The following FTSJ3 variants were observed in gnomAD, a reference collection of about 807,000 sequenced individuals.
FTSJ3 encodes pre-rRNA 2'-O-ribose RNA methyltransferase FTSJ3.
FTSJ3 carries 46 observed loss-of-function variants against 111.5 expected under a neutral mutation model. The observed-to-expected ratio is 0.41, with a 90% confidence interval of 0.33 to 0.53. The LOEUF is 0.53. Ranked by LOEUF, FTSJ3 falls within the 20% of genes least tolerant of loss-of-function variation. The pLI, the probability that FTSJ3 is intolerant of heterozygous loss-of-function variation, is 0.19. For synonymous variants in FTSJ3, 408 were observed against 383.0 expected, an observed-to-expected ratio of 1.07 and a Z score of -0.76; for missense variants, 1,075 against 1,063.8, an observed-to-expected ratio of 1.01 and a Z score of -0.15.
rs145334305 is a variant in FTSJ3, at chr17:63,821,102, G to A, written c.1900C>T (p.Arg634Cys). Residue 634 changes from arginine (R) to cysteine (C), a missense_variant, in exon 17 of 21, where the codon CGT becomes TGT. Arg to Cys is a radical substitution (Grantham distance 180). This residue lies in a region of FTSJ3 where 867 missense variants were observed against 796.9 expected (regional missense o/e 1.09). Transcript: ENST00000427159. ...SEEEESWEPLRGKKRSRGPKS... is the reference protein window; with the variant it reads ...SEEEESWEPLCGKKRSRGPKS... ...GGCCCACGGCTTCGCTTCTTACCAC[G>A]GAGGGGTTCCCAGCTGTGAAGAGGG... The A allele has an allele frequency of 5.6e-6, 9 of 1,614,072 alleles. No homozygotes were observed. The African/African-American group carries it at 6.7e-5, about 12-fold the overall frequency.
chr17:63,823,607 AAT>A, intron 13 of FTSJ3: 13 of 546,894 alleles, frequency 2.4e-5, no homozygotes, highest in Admixed American at 2.0e-4. Flanking sequence ...AAAAAAAAAA[AAT>A]AAATCTATCA....
Position 63,826,322 on chromosome 17 carries a change from A to G in FTSJ3, c.174-18T>C. ...CCTGCAGCCTATAAAAGGAACAGAA[A>G]TTTAAAAACCTAGAGCCATCCTTTT... On this transcript the variant is annotated intron_variant, in intron 3 of 20. Transcript: ENST00000427159. 1.9e-6 allele frequency: 3 copies of G among 1,613,618 alleles called. 1 individual carries two copies. In the South Asian group the frequency reaches 3.3e-5, roughly 18 times the overall value.
chr17:63,819,993 G>A lies in FTSJ3; in HGVS notation c.2353C>T (p.Leu785Phe). The A allele has an allele frequency of 5.0e-6, 8 of 1,614,048 alleles. No individual in the cohort carries two copies. The highest frequency in any genetic ancestry group is 6.8e-6 in the Non-Finnish European group (8 of 1,179,952). Residue 785 changes from leucine to phenylalanine, a missense_variant and splice_region_variant, in exon 21 of 21, where the codon CTC (leucine) becomes TTC (phenylalanine). Leu to Phe is a conservative substitution (Grantham distance 22). Transcript: ENST00000427159. ...EREKVAQLRSLYKKAGLGKEK... is the reference protein window; with the variant it reads ...EREKVAQLRSFYKKAGLGKEK... ...TTGCCAAGCCCAGCCTTCTTGTAGA[G>A]ACTACAGGGGGGAAGAGAAGAGGTT...
intron 13 of FTSJ3, among the ~76,000 whole-genome samples, chr17:63,822,956 C>T (rs930048421): frequency 6.6e-6 from 1 of 152,190 alleles, no homozygotes; most frequent in Non-Finnish European, 1.5e-5. Context: ...TCAGTCACTT[C>T]ACAAAGCTCC....
chr17:63,825,371 T>G lies in FTSJ3; in HGVS notation c.466A>C (p.Thr156Pro), dbSNP rs768932835. The change falls in exon 7 of 21, where the codon ACA (threonine) becomes CCA (proline). Residue 156 changes from threonine (T) to proline (P), a missense_variant. Physicochemically the swap from Thr to Pro is conservative, Grantham distance 38. Around this residue, in one of 2 missense-constraint regions of FTSJ3, gnomAD observed 208 missense variants for 266.9 expected, o/e 0.78. Coordinates refer to ENST00000427159, the MANE Select transcript of FTSJ3 (RefSeq NM_017647.4). ...DFLARGGSFI[T>P]KVFRSRDYQP... ...TAGTCACGAGAACGGAAAACCTTTGTGATGAAGCTGCCACCACGGGCCAAA... is the reference window on the plus strand; with the variant it reads ...TAGTCACGAGAACGGAAAACCTTTGGGATGAAGCTGCCACCACGGGCCAAA... 4 of 1,614,044 alleles carry G rather than the reference T, an allele frequency of 2.5e-6. No homozygotes were observed. Among genetic ancestry groups the G allele is most frequent in the African/African-American group, 1.3e-5 (1 of 74,900 alleles).
Position 63,819,812 on chromosome 17 carries a change from TTG to T in FTSJ3, c.2532_2533del (p.His844GlnfsTer17), listed in dbSNP as rs771371440. ...GCCTGGCAGCTCTGCTTACTTCCGT[TTG>T]TGTTTTTTCTTTTGTTCCTTACGTT... On this transcript the variant is annotated frameshift_variant, in exon 21 of 21. Coordinates refer to ENST00000427159, the MANE Select transcript of FTSJ3 (RefSeq NM_017647.4). LOFTEE classifies it high-confidence loss of function. The T allele has an allele frequency of 1.2e-6, 2 of 1,612,168 alleles. No homozygotes were observed. The highest frequency in any genetic ancestry group is 1.3e-5 in the African/African-American group (1 of 74,912).
At chr17:63,825,480 A>T in intron 6 of FTSJ3, 44 bp from the exon 7 acceptor site, 2 of 1,605,888 alleles carry the variant, frequency 1.2e-6, no homozygotes, top group Non-Finnish European at 1.7e-6. Context: ...GCAGCCCAGG[A>T]GGGCATGCGC....
intron 14 of FTSJ3, 61 bp from the exon 15 acceptor site, chr17:63,821,904 C>T: frequency 6.2e-7 from 1 of 1,613,524 alleles, no homozygotes; most frequent in South Asian, 1.1e-5. Context: ...CCCTTGCTGC[C>T]CTACTCAGGC....
intron 3 of FTSJ3, 79 bp downstream of exon 3, chr17:63,826,488 C>A: frequency 7.6e-7 from 1 of 1,307,198 alleles, no homozygotes; most frequent in South Asian, 1.2e-5. Flanking sequence ...GTTCCCCTCC[C>A]GCAGTGAAAC....
chr17:63,824,279 CTT>C, intron 11 of FTSJ3, 40 bp from the exon 12 acceptor site: 1 of 1,614,196 alleles, frequency 6.2e-7, no homozygotes, highest in Non-Finnish European at 8.5e-7. Context: ...TTTTCCCAGA[CTT>C]TTCCCCTGGA....
Position 63,821,810 on chromosome 17 carries a change from CTCTT to C in FTSJ3, c.1505_1508del (p.Lys502ArgfsTer76), listed in dbSNP as rs755826466. The C allele has an allele frequency of 6.2e-7, 1 of 1,614,116 alleles. No homozygotes were observed. Among genetic ancestry groups the C allele is most frequent in the South Asian group, 1.1e-5 (1 of 91,078 alleles). Reference sequence around the variant, plus strand: ...GCAGTGGATTCTCCTCCTCCTCCTCCTCTTTATCATCTTGCACTTCAGTAAGTCG... The same window carrying C: ...GCAGTGGATTCTCCTCCTCCTCCTCCTATCATCTTGCACTTCAGTAAGTCG... On this transcript the variant is annotated frameshift_variant, in exon 15 of 21. Coordinates refer to ENST00000427159, the MANE Select transcript of FTSJ3 (RefSeq NM_017647.4). LOFTEE classifies it high-confidence loss of function.
chr17:63,824,283 T>C, intron 11 of FTSJ3, 44 bp from the exon 12 acceptor site: 1 of 1,614,148 alleles, frequency 6.2e-7, no homozygotes, highest in Middle Eastern at 1.6e-4. Context: ...CCCAGACTTT[T>C]CCCCTGGACA....
chr17:63,819,736 C>CA lies in FTSJ3; in HGVS notation c.*65dup. ...GGGCTAGGCCGGTAATCAAGGGGGC[C>CA]AGACTGAGCCATGCCACACCCTTCC... On this transcript the variant is annotated 3_prime_UTR_variant, in exon 21 of 21. Transcript: ENST00000427159. 1 of 1,450,976 alleles carries CA rather than the reference C, an allele frequency of 6.9e-7. No individual in the cohort carries two copies. 89.9% of individuals were successfully genotyped at this position (1,450,976 alleles called of 1,614,324 possible). A position where few individuals can be genotyped will look rare whatever the true frequency, so the allele number is the denominator to read the frequency against.
At chr17:63,824,503 G>A (rs1349909321) in intron 10 of FTSJ3, 92 bp from the exon 11 acceptor site, 44 of 1,495,762 alleles carry the variant, frequency 2.9e-5, no homozygotes, top group East Asian at 2.3e-5. Context: ...TTCGGGCTTC[G>A]GCTACATAAA....
chr17:63,824,286 C>A (rs762068811), intron 11 of FTSJ3, 45 bp downstream of exon 11: 1 of 1,614,148 alleles, frequency 6.2e-7, no homozygotes, highest in Admixed American at 1.7e-5. Flanking sequence ...AGACTTTTCC[C>A]CTGGACACCC....
In FTSJ3 at chr17:63,821,846, G is replaced by A; in HGVS notation, c.1476-3C>T. The A allele has an allele frequency of 6.2e-7, 1 of 1,614,016 alleles. No homozygotes were observed. On this transcript the variant is annotated splice_region_variant and splice_polypyrimidine_tract_variant and intron_variant, in intron 14 of 20. Coordinates refer to ENST00000427159, the MANE Select transcript of FTSJ3 (RefSeq NM_017647.4). ...CTTGCACTTCAGTAAGTCGCATACT[G>A]TAGACCCAAAGGAAAGTAGGGGGCT... is the stretch of plus-strand genomic sequence containing the variant.
In FTSJ3 at chr17:63,824,707, G is replaced by A; in HGVS notation, c.847C>T (p.His283Tyr). The change falls in exon 10 of 21, where the codon CAT (histidine) becomes TAT (tyrosine). Residue 283 changes from histidine to tyrosine, a missense_variant. Transcript: ENST00000427159. ...CGTATGTCCTCAGTGGTAGCTGGATGCTGTGCCAACTCTTCATCATCTACC... is the reference window on the plus strand; with the variant it reads ...CGTATGTCCTCAGTGGTAGCTGGATACTGTGCCAACTCTTCATCATCTACC... ...IMVDDEELAQ[H>Y]PATTEDIRVC... 6.2e-7 allele frequency: 1 copy of A among 1,614,048 alleles called. No individual in the cohort carries two copies. The highest frequency in any genetic ancestry group is 1.1e-5 in the South Asian group (1 of 91,080).
chr17:63,827,105 C>G lies in FTSJ3; in HGVS notation c.-80G>C, dbSNP rs3826340. ...TGGAACCGCACAAGTATGCAGCTAA[C>G]TACTTCCGCTTCCGCTTGCGTCCCC... On this transcript the variant is annotated 5_prime_UTR_variant, in exon 1 of 21. Coordinates refer to ENST00000427159, the MANE Select transcript of FTSJ3 (RefSeq NM_017647.4). The G allele has an allele frequency of 2.9e-5, 18 of 616,244 alleles. No individual in the cohort carries two copies. The Middle Eastern group carries it at 2.1e-3, about 71-fold the overall frequency. 38.2% of individuals were successfully genotyped at this position (616,244 alleles called of 1,614,324 possible). A position where few individuals can be genotyped will look rare whatever the true frequency, so the allele number is the denominator to read the frequency against.
Position 63,827,178 on chromosome 17 carries a change from T to C in FTSJ3, c.-153A>G. 3 of 605,756 alleles carry C rather than the reference T, an allele frequency of 5.0e-6. No individual in the cohort carries two copies. Among genetic ancestry groups the C allele is most frequent in the South Asian group, 2.0e-5 (1 of 50,134 alleles). The allele number at this position is 605,756 out of a possible 1,614,324, so 37.5% of individuals were successfully genotyped here. Reference sequence around the variant, plus strand: ...CCGCCATTTTGAGTGTGGCCCTAGATTGTTCTCAATACTCTGTCCTTGGGT... The same window carrying C: ...CCGCCATTTTGAGTGTGGCCCTAGACTGTTCTCAATACTCTGTCCTTGGGT... On this transcript the variant is annotated 5_prime_UTR_variant, in exon 1 of 21. Transcript: ENST00000427159.
Sources: gnomAD v4.1 joint callset for allele counts (sites outside exome capture counted in the v4.1 genomes callset) on GRCh38, gnomAD v4.1.1 for gene constraint, gnomAD v4.1.1 regional missense constraint, MANE v1.5 for transcripts, NCBI Gene and HGNC (gene_info 2026-07-23, HGNC 2026-07-21) for gene names.